FMN1: variants seen among roughly 807,000 people sequenced by gnomAD.
FMN1 encodes the protein formin-1.
Under a neutral mutation model 132.4 loss-of-function variants are expected in FMN1, and 110 were observed. The observed-to-expected ratio is 0.83, with a 90% CI of 0.71 to 0.97. The LOEUF is 0.97. Ranked by LOEUF, FMN1 falls within the 50% of genes least tolerant of loss-of-function variation. FMN1 has a pLI of 0.00. For synonymous variants in FMN1, 722 were observed against 651.7 expected (o/e 1.11, Z -1.64); for missense variants, 1,792 against 1,705.3 (o/e 1.05, Z -0.90).
At chr15:33,187,838 T>G (rs1484279358) in intron 2 of FMN1, among the ~76,000 whole-genome samples, 2 of 152,154 alleles carry the variant, frequency 1.3e-5, no homozygotes, top group Non-Finnish European at 2.9e-5. Context: ...GAACATGGTT[T>G]CTAAAAAATA....
At chr15:33,017,919 G>C (rs1387244589) in intron 6 of FMN1, among the ~76,000 whole-genome samples, 1 of 152,110 alleles carries the variant, frequency 6.6e-6, no homozygotes, top group Non-Finnish European at 1.5e-5. Context: ...ACAAAAATTT[G>C]CTGGGTGTGG....
At chr15:32,815,189 G>A (rs74569076) in intron 17 of FMN1, among the ~76,000 whole-genome samples, 21,610 of 152,138 alleles carry the variant, frequency 0.14, 1,974 homozygotes, top group East Asian at 0.48. Context: ...TGATCTGCCC[G>A]CCTCAGCCTC....
chr15:32,977,938 C>T (rs1002634606), intron 7 of FMN1, among the ~76,000 whole-genome samples: 1 of 151,604 alleles, frequency 6.6e-6, no homozygotes. Flanking sequence ...CTCACTGCAA[C>T]CTCCGCCTCC....
chr15:32,907,358 T>A (rs1286122206), intron 12 of FMN1, among the ~76,000 whole-genome samples: 1 of 152,094 alleles, frequency 6.6e-6, no homozygotes, highest in African/African-American at 2.4e-5. Flanking sequence ...ATAAGGAGCG[T>A]GCAACCTGGA....
intron 3 of FMN1, among the ~76,000 whole-genome samples, chr15:33,163,592 C>CTGTTT (rs71117113): frequency 0.32 from 46,055 of 144,704 alleles, 7,713 homozygotes; most frequent in Middle Eastern, 0.39. Context: ...CCATGCCTGG[C>CTGTTT]TGTTTTGTTT....
At chr15:33,016,086 G>A (rs345828) in intron 6 of FMN1, among the ~76,000 whole-genome samples, 42,730 of 151,974 alleles carry the variant, frequency 0.28, 6,261 homozygotes, top group Non-Finnish European at 0.32. Flanking sequence ...GCTTTAATAA[G>A]GCTTATTTAA....
At chr15:33,086,255 T>TA (rs552991552) in intron 5 of FMN1, among the ~76,000 whole-genome samples, 1,278 of 85,204 alleles carry the variant, frequency 0.015, 13 homozygotes, top group East Asian at 0.075. Flanking sequence ...CATCTCAAAT[T>TA]AAAAAAAAAA....
At chr15:32,860,337 C>T (rs1004530022) in intron 16 of FMN1, among the ~76,000 whole-genome samples, 8 of 152,082 alleles carry the variant, frequency 5.3e-5, no homozygotes, top group South Asian at 2.1e-4. Context: ...TAGATTCTCA[C>T]GTGTAGGAAA....
At chr15:33,120,049 T>C (rs1962408888) in intron 4 of FMN1, among the ~76,000 whole-genome samples, 2 of 152,090 alleles carry the variant, frequency 1.3e-5, no homozygotes, top group South Asian at 4.2e-4. Flanking sequence ...ACTAAGAGAT[T>C]AGCAATTAAA....
chr15:32,840,640 C>T (rs1198501360), intron 17 of FMN1, among the ~76,000 whole-genome samples: 1 of 152,136 alleles, frequency 6.6e-6, no homozygotes, highest in Non-Finnish European at 1.5e-5. Flanking sequence ...GCCAAGGAGG[C>T]AAAGATGAGG....
intron 4 of FMN1, among the ~76,000 whole-genome samples, chr15:33,121,227 T>C (rs1962524472): frequency 6.6e-6 from 1 of 152,208 alleles, no homozygotes; most frequent in Admixed American, 6.5e-5. Context: ...TCCTGTGTCT[T>C]GAAACAAAAA....
rs894878850 is a variant in FMN1, at chr15:33,153,391, G to A, written c.1524C>T (p.Ala508=). 5 of 1,536,526 alleles carry A rather than the reference G, an allele frequency of 3.3e-6. No individual in the cohort carries two copies. In the African/African-American group the frequency reaches 6.8e-5, roughly 21 times the overall value. Residue 508 remains alanine (A), a synonymous_variant, in exon 4 of 21, where the codon GCC becomes GCT. Transcript: ENST00000616417. ...AALGKVFNNS[A]SQSSTHKQTS... is the part of the protein sequence containing the mutation. The stretch of plus-strand genomic sequence containing the variant: ...TCTGTTTGTGTGTGCTGGACTGCGA[G>A]GCTGAATTATTAAACACCTTGCCAA...
intron 6 of FMN1, among the ~76,000 whole-genome samples, chr15:33,045,740 G>GTT (rs2036648689): frequency 1.3e-5 from 2 of 152,124 alleles, no homozygotes; most frequent in African/African-American, 4.8e-5. Context: ...ATACTGCAGG[G>GTT]GTTGAAAAGT....
At chr15:33,115,354 C>T (rs1173978827) in intron 4 of FMN1, among the ~76,000 whole-genome samples, 2 of 152,076 alleles carry the variant, frequency 1.3e-5, no homozygotes, top group African/African-American at 4.8e-5. Context: ...AACATGTACA[C>T]ATAAAAGAAT....
At chr15:32,861,727 G>A (rs564006399) in intron 16 of FMN1, among the ~76,000 whole-genome samples, 10 of 152,232 alleles carry the variant, frequency 6.6e-5, no homozygotes, top group East Asian at 1.9e-4. Flanking sequence ...AATATGCCAC[G>A]GTGCAAATCT....
chr15:33,073,632 G>T (rs1287625383), intron 5 of FMN1, among the ~76,000 whole-genome samples: 2 of 151,742 alleles, frequency 1.3e-5, no homozygotes, highest in Admixed American at 6.6e-5. Flanking sequence ...AAAATGAGGG[G>T]TCATATAAAA....
chr15:33,102,972 A>T (rs1468071276), intron 4 of FMN1, among the ~76,000 whole-genome samples: 2 of 151,912 alleles, frequency 1.3e-5, no homozygotes, highest in African/African-American at 2.4e-5. Context: ...AATGTCTTTA[A>T]TTTATTTTTT....
At chr15:33,158,434 TA>T (rs1193148806) in intron 3 of FMN1, among the ~76,000 whole-genome samples, 1 of 140,220 alleles carries the variant, frequency 7.1e-6, no homozygotes. Flanking sequence ...GCTACTATTA[TA>T]AAAAAAAAGA....
intron 3 of FMN1, among the ~76,000 whole-genome samples, chr15:33,170,785 G>T (rs73382509): frequency 0.032 from 4,814 of 152,202 alleles, 279 homozygotes; most frequent in African/African-American, 0.11. Context: ...TACACTGTTG[G>T]TGGAAATGCA....
Sources: allele counts gnomAD v4.1 joint callset (sites outside exome capture counted in the v4.1 genomes callset), GRCh38; gene constraint gnomAD v4.1.1; transcripts MANE v1.5; gene names NCBI Gene and HGNC (gene_info 2026-07-23, HGNC 2026-07-21).